DCT: variants seen among roughly 807,000 people sequenced by gnomAD.
DCT encodes the protein dopachrome tautomerase, also known as L-dopachrome tautomerase.
Under a neutral mutation model 53.0 loss-of-function variants are expected in DCT, and 47 were observed. The ratio of observed to expected loss-of-function variants is 0.89; its 90% CI spans 0.70 to 1.13. The LOEUF is 1.13. Ranked by LOEUF, DCT falls within the 50% of genes most tolerant of loss-of-function variation. The pLI is 0.00. For missense variants in DCT, 669 were observed against 637.4 expected, an observed-to-expected ratio of 1.05 and a Z score of -0.53; for synonymous variants, 244 against 237.0, an observed-to-expected ratio of 1.03 and a Z score of -0.27.
the DCT span, among the ~76,000 whole-genome samples, chr13:94,522,492 A>T: frequency 1.3e-5 from 2 of 152,082 alleles, no homozygotes; most frequent in African/African-American, 4.8e-5. Flanking sequence ...TACTTAATAA[A>T]TTCCCCTTTA....
At chr13:94,467,712 C>T (rs1223763778) in intron 2 of DCT, 1 of 152,080 alleles carries the variant, frequency 6.6e-6, no homozygotes, top group African/African-American at 2.4e-5. Flanking sequence ...TTCTCAGAAC[C>T]CAACAACGAG....
chr13:94,476,172 G>A (rs981022970), intron 1 of DCT, among the ~76,000 whole-genome samples: 7 of 149,416 alleles, frequency 4.7e-5, no homozygotes, highest in Middle Eastern at 3.4e-3. Context: ...TTAGAGCAGG[G>A]GGAGCCTCTT....
chr13:94,543,454 A>G, the DCT span, among the ~76,000 whole-genome samples: 2 of 152,230 alleles, frequency 1.3e-5, no homozygotes, highest in African/African-American at 4.8e-5. Flanking sequence ...ACCCAATCTT[A>G]GATGGATACT....
At chr13:94,526,852 ATT>A in the DCT span, among the ~76,000 whole-genome samples, 3 of 152,094 alleles carry the variant, frequency 2.0e-5, no homozygotes, top group Admixed American at 6.5e-5. Flanking sequence ...GGGTCTAGGG[ATT>A]TCCCTTTCCT....
In DCT at chr13:94,462,046, T is replaced by A; in HGVS notation, c.1007A>T (p.Asn336Ile). ...GGTAGAGTTCTGGAAGAAGGGAGGA[T>A]TGTCAAACTTCTGGAGAGACAGGCA... ...RDCLSLQKFD[N>I]PPFFQNSTFS... The change falls in exon 5 of 8, where the codon AAT becomes ATT. Residue 336 changes from asparagine (N) to isoleucine (I), a missense_variant. Physicochemically the swap from Asn to Ile is moderately radical, Grantham distance 149. Coordinates refer to ENST00000377028, the MANE Select transcript of DCT (RefSeq NM_001922.5). 1 of 1,613,224 alleles carries A rather than the reference T, an allele frequency of 6.2e-7. No individual in the cohort carries two copies. The highest frequency in any genetic ancestry group is 1.1e-5 in the South Asian group (1 of 91,014).
the DCT span, among the ~76,000 whole-genome samples, chr13:94,541,890 G>C: frequency 6.6e-5 from 10 of 152,240 alleles, no homozygotes; most frequent in African/African-American, 2.2e-4. Flanking sequence ...GGCTACACAC[G>C]GGTCATTGCA....
rs185147781 is a variant in DCT, at chr13:94,439,558, C to A, written c.*340G>T. 194 of 137,238 alleles carry A rather than the reference C, an allele frequency of 1.4e-3. 2 individuals carry two copies. The highest frequency in any genetic ancestry group is 6.6e-3 in the African/African-American group (191 of 28,846). 8.5% of individuals were successfully genotyped at this position (137,238 alleles called of 1,614,324 possible). A position where few individuals can be genotyped will look rare whatever the true frequency, so the allele number is the denominator to read the frequency against. ...GCAAATTTAAATGACTCCCCTGGAT[C>A]AATGTTTTGGGATTTTTTTTGTTTT... On this transcript the variant is annotated 3_prime_UTR_variant, in exon 8 of 8. Coordinates refer to ENST00000377028, the MANE Select transcript of DCT (RefSeq NM_001922.5).
chr13:94,507,067 T>C, the DCT span, among the ~76,000 whole-genome samples: 2 of 152,124 alleles, frequency 1.3e-5, no homozygotes, highest in Non-Finnish European at 2.9e-5. Context: ...AGACAAAGAC[T>C]AAGAACTGCA....
the DCT span, among the ~76,000 whole-genome samples, chr13:94,511,824 CAGTGTGTGTGTGTG>C: frequency 1.8e-4 from 25 of 135,474 alleles, no homozygotes; most frequent in African/African-American, 6.7e-4. Context: ...CCAGCATTGT[CAGTGTGTGTGTGTG>C]TGTGTGTGTG....
chr13:94,504,162 G>A, the DCT span, among the ~76,000 whole-genome samples: 1 of 152,134 alleles, frequency 6.6e-6, no homozygotes, highest in Non-Finnish European at 1.5e-5. Context: ...TCTTGTGTTT[G>A]GCTAATGTAA....
chr13:94,519,845 A>G, the DCT span, among the ~76,000 whole-genome samples: 2 of 152,204 alleles, frequency 1.3e-5, no homozygotes, highest in Non-Finnish European at 2.9e-5. Context: ...AAAAAGCCCC[A>G]GGCTTGAGAC....
intron 1 of DCT, among the ~76,000 whole-genome samples, chr13:94,474,037 A>G (rs1884918068): frequency 6.6e-6 from 1 of 152,204 alleles, no homozygotes; most frequent in South Asian, 2.1e-4. Flanking sequence ...ATCTTCCATC[A>G]ATTTAACATG....
intron 5 of DCT, among the ~76,000 whole-genome samples, chr13:94,461,606 G>C (rs74103932): frequency 0.028 from 4,318 of 152,202 alleles, 174 homozygotes; most frequent in African/African-American, 0.096. Flanking sequence ...ACTCCTCTGA[G>C]ATCTCAGACC....
chr13:94,543,596 C>G, the DCT span, among the ~76,000 whole-genome samples: 10 of 152,162 alleles, frequency 6.6e-5, no homozygotes, highest in Non-Finnish European at 1.2e-4. Context: ...AAATTATATA[C>G]TACTGAAAAA....
At chr13:94,448,468 A>G (rs1050238663) in intron 6 of DCT, among the ~76,000 whole-genome samples, 1 of 152,242 alleles carries the variant, frequency 6.6e-6, no homozygotes, top group African/African-American at 2.4e-5. Context: ...ATTATTCCTC[A>G]ATAAGGTACC....
the DCT span, among the ~76,000 whole-genome samples, chr13:94,535,842 CA>C: frequency 3.1e-4 from 47 of 152,106 alleles, no homozygotes; most frequent in African/African-American, 1.1e-3. Context: ...CAGTGAATCA[CA>C]AAAAAACACT....
the DCT span, among the ~76,000 whole-genome samples, chr13:94,489,845 A>T: frequency 6.6e-6 from 1 of 152,190 alleles, no homozygotes; most frequent in African/African-American, 2.4e-5. Flanking sequence ...TGGAAACTAA[A>T]TAAGTATTTA....
the DCT span, among the ~76,000 whole-genome samples, chr13:94,522,551 C>T: frequency 5.9e-5 from 9 of 152,040 alleles, no homozygotes; most frequent in Non-Finnish European, 1.2e-4. Context: ...CTAATACATA[C>T]GGATGTAGTA....
At chr13:94,449,715 T>C (rs969487812) in intron 6 of DCT, among the ~76,000 whole-genome samples, 1 of 152,246 alleles carries the variant, frequency 6.6e-6, no homozygotes, top group Non-Finnish European at 1.5e-5. Context: ...CTAAAAAATA[T>C]ATTTCATCAG....
Sources: allele counts gnomAD v4.1 joint callset (sites outside exome capture counted in the v4.1 genomes callset), GRCh38; gene constraint gnomAD v4.1.1; transcripts MANE v1.5; gene names NCBI Gene and HGNC (gene_info 2026-07-23, HGNC 2026-07-21).